Variants in TDRD9 observed in about 807,000 individuals in gnomAD.
The protein encoded by TDRD9 is tudor domain containing 9, also known as ATP-dependent RNA helicase TDRD9.
A neutral mutation model predicts 172.6 loss-of-function variants in TDRD9; 124 were observed. The observed-to-expected ratio is 0.72, with a 90% CI of 0.62 to 0.83. TDRD9 has a LOEUF of 0.83. Ranked by LOEUF, TDRD9 falls within the 40% of genes least tolerant of loss-of-function variation. The probability of loss-of-function intolerance (pLI) is 0.00; values close to 1 mark genes in which losing one functional copy is unlikely to be tolerated. For missense variants in TDRD9, 1,479 were observed against 1,714.1 expected (o/e 0.86, Z 2.42); for synonymous variants, 619 against 617.1 (o/e 1.00, Z -0.05).
Position 104,024,552 on chromosome 14 carries a change from A to C in TDRD9, c.2607-17A>C. 1 of 1,465,494 alleles carries C rather than the reference A, an allele frequency of 6.8e-7. No homozygotes were observed. The highest frequency in any genetic ancestry group is 2.3e-5 in the East Asian group (1 of 43,494). The allele number at this position is 1,465,494 out of a possible 1,614,324, so 90.8% of individuals were successfully genotyped here. ...TAAAACTTGATTTTTATTTTAATAA[A>C]AATTCGTATTATGTAGGGTGAATGT... On this transcript the variant is annotated splice_polypyrimidine_tract_variant and intron_variant, in intron 24 of 35. Coordinates refer to ENST00000409874, the MANE Select transcript of TDRD9 (RefSeq NM_153046.3).
chr14:104,026,418 G>A (rs2035120396), intron 27 of TDRD9, among the ~76,000 whole-genome samples: 1 of 152,286 alleles, frequency 6.6e-6, no homozygotes, highest in African/African-American at 2.4e-5. Context: ...AGACTTTTTA[G>A]GTAGGCCACA....
At chr14:103,985,946 C>A (rs1258093107) in intron 7 of TDRD9, among the ~76,000 whole-genome samples, 1 of 152,188 alleles carries the variant, frequency 6.6e-6, no homozygotes, top group African/African-American at 2.4e-5. Flanking sequence ...GCCAAACACA[C>A]TGCCTGTGCA....
At chr14:103,953,281 G>C (rs1454408831) in intron 1 of TDRD9, among the ~76,000 whole-genome samples, 1 of 151,736 alleles carries the variant, frequency 6.6e-6, no homozygotes, top group Admixed American at 6.6e-5. Context: ...TCCTCTTCCC[G>C]CCCCCTCCTG....
rs74089537 is a variant in TDRD9 at position 103,959,578 on chromosome 14, C to T, written c.323-3501C>T. Among the ~76,000 whole-genome samples, 287 of 152,054 alleles carry T rather than the reference C, an allele frequency of 1.9e-3. 2 individuals carry two copies. Among genetic ancestry groups the T allele is most frequent in the African/African-American group, 6.7e-3 (279 of 41,474 alleles). Reference sequence around the variant, plus strand: ...TTACACTGATGCCTCTAATTCCAGTCCAGTGCCACAGGTTTCAGCATGAAC... The same window carrying T: ...TTACACTGATGCCTCTAATTCCAGTTCAGTGCCACAGGTTTCAGCATGAAC... On this transcript the variant is annotated intron_variant, in intron 2 of 35. Transcript: ENST00000409874.
In TDRD9 at chr14:104,020,832, T is replaced by C. The variant is rs144136866; in HGVS notation, c.2433-1325T>C. Among the ~76,000 whole-genome samples the C allele has an allele frequency of 6.6e-5, 10 of 152,224 alleles. No homozygotes were observed. The East Asian group carries it at 1.9e-3, about 30-fold the overall frequency. Reference sequence around the variant, plus strand: ...CCAGGGGCATTAGAACTTGCATGCATAGCAAGGTAAACTTGATGCTGTCTT... The same window carrying C: ...CCAGGGGCATTAGAACTTGCATGCACAGCAAGGTAAACTTGATGCTGTCTT... On this transcript the variant is annotated intron_variant, in intron 23 of 35. Transcript: ENST00000409874.
At chr14:104,015,512 T>C (rs973688300) in intron 21 of TDRD9, among the ~76,000 whole-genome samples, 2 of 152,198 alleles carry the variant, frequency 1.3e-5, no homozygotes, top group Non-Finnish European at 2.9e-5. Context: ...GAAGGGACTC[T>C]TTGCAGAGTG....
At position 104,007,193 on chromosome 14, in the gene TDRD9, C is replaced by T. The variant is rs369524968; in HGVS notation, c.2041C>T (p.Arg681Trp). ...GGCTTGCAGACAGACAGGGGAGCTG[C>T]GGTACCCGAAGGTTGGTGAGCCCTT... Reference protein sequence around the residue: ...WKACRQTGELRYPKDELNWGR... With the variant: ...WKACRQTGELWYPKDELNWGR... Residue 681 changes from arginine to tryptophan, a missense_variant, in exon 19 of 36, where the codon CGG becomes TGG. Physicochemically the swap from Arg to Trp is moderately radical, Grantham distance 101. Transcript: ENST00000409874. The T allele has an allele frequency of 9.0e-5, 145 of 1,613,682 alleles. No homozygotes were observed. The highest frequency in any genetic ancestry group is 1.6e-4 in the African/African-American group (12 of 74,904).
At position 104,031,090 on chromosome 14, in the gene TDRD9, C is replaced by T; in HGVS notation, c.3283-18C>T. On this transcript the variant is annotated intron_variant, in intron 28 of 35. Transcript: ENST00000409874. ...TAATATTTTCTTTTAACAAAACAAA[C>T]TTTTCTTGTTTGTTCAGCAAAGCCA... is the stretch of plus-strand genomic sequence containing the variant. 2 of 1,538,666 alleles carry T rather than the reference C, an allele frequency of 1.3e-6. No individual in the cohort carries two copies. The highest frequency in any genetic ancestry group is 1.7e-6 in the Non-Finnish European group (2 of 1,144,130).
At chr14:103,941,902 G>A (rs1256693774) in intron 1 of TDRD9, among the ~76,000 whole-genome samples, 1 of 152,140 alleles carries the variant, frequency 6.6e-6, no homozygotes, top group Non-Finnish European at 1.5e-5. Flanking sequence ...CTTTGAAAAT[G>A]CTTTTATGTA....
intron 1 of TDRD9, among the ~76,000 whole-genome samples, chr14:103,934,121 A>T (rs1196316359): frequency 6.6e-6 from 1 of 151,694 alleles, no homozygotes; most frequent in Admixed American, 6.6e-5. Context: ...TGCTCAAGCA[A>T]TTTTCCTTCC....
chr14:104,017,622 A>T (rs189470617), intron 22 of TDRD9, among the ~76,000 whole-genome samples: 2 of 152,316 alleles, frequency 1.3e-5, no homozygotes, highest in East Asian at 3.9e-4. Flanking sequence ...CCAGCATGGT[A>T]CCTTGAGAGT....
intron 13 of TDRD9, among the ~76,000 whole-genome samples, chr14:103,999,960 T>C (rs1472924448): frequency 1.3e-5 from 2 of 152,144 alleles, no homozygotes; most frequent in Non-Finnish European, 2.9e-5. Flanking sequence ...ATTCTTAACC[T>C]TTTTGTTATA....
Position 103,928,484 on chromosome 14 carries a change from G to T in TDRD9, c.-26G>T. The T allele has an allele frequency of 2.1e-6, 3 of 1,430,458 alleles. No individual in the cohort carries two copies. Among genetic ancestry groups the T allele is most frequent in the Non-Finnish European group, 2.8e-6 (3 of 1,082,474 alleles). The allele number at this position is 1,430,458 out of a possible 1,614,324, so 88.6% of individuals were successfully genotyped here. A position where few individuals can be genotyped will look rare whatever the true frequency, so the allele number is the denominator to read the frequency against. ...CCCGCCGCGGAGACCCGGCAGTTGG[G>T]GGATGCCGACGCCTGGGCCTTGAGG... On this transcript the variant is annotated 5_prime_UTR_variant, in exon 1 of 36. Transcript: ENST00000409874.
intron 1 of TDRD9, among the ~76,000 whole-genome samples, chr14:103,931,538 A>G (rs536923107): frequency 2.0e-5 from 3 of 152,126 alleles, no homozygotes; most frequent in Non-Finnish European, 4.4e-5. Flanking sequence ...GCACAACAAC[A>G]CTTTGAGGTT....
At chr14:103,938,385 TGTGTGTGTGTG>T (rs1158547208) in intron 1 of TDRD9, among the ~76,000 whole-genome samples, 51 of 3,082 alleles carry the variant, frequency 0.017, no homozygotes, top group Non-Finnish European at 0.075. Context: ...CCCATATATG[TGTGTGTGTGTG>T]TGTGTGTGTG....
At chr14:103,962,992 G>GTGTGTA (rs758427453) in intron 2 of TDRD9, 87 bp from the exon 3 acceptor site, 1 of 692,638 alleles carries the variant, frequency 1.4e-6, no homozygotes, top group Non-Finnish European at 2.4e-6. Flanking sequence ...GTGTGTGTGT[G>GTGTGTA]TATGCTGTAT....
chr14:104,051,828 A>G (rs549787422), intron 35 of TDRD9, among the ~76,000 whole-genome samples, 153 bp from the exon 36 acceptor site: 1 of 152,206 alleles, frequency 6.6e-6, no homozygotes, highest in Non-Finnish European at 1.5e-5. Flanking sequence ...TATCAAACCT[A>G]TAGTATGAAG....
rs2033452180 is a variant in TDRD9, at chr14:103,980,990, C to A, written c.1012-5227C>A. Among the ~76,000 whole-genome samples the A allele has an allele frequency of 6.6e-6, 1 of 152,024 alleles. No individual in the cohort carries two copies. Among genetic ancestry groups the A allele is most frequent in the Non-Finnish European group, 1.5e-5 (1 of 67,992 alleles). ...TGGAATAAAGAGTAATTACTACAAA[C>A]TAATGATTAATGATATTCATACATA... On this transcript the variant is annotated intron_variant, in intron 7 of 35. Transcript: ENST00000409874. This position sits in a 1 kb window ranked among gnomAD's most constrained non-coding sequence, Gnocchi z 4.5.
chr14:103,942,200 G>A (rs1566726895), intron 1 of TDRD9: 1 of 153,438 alleles, frequency 6.5e-6, no homozygotes. Flanking sequence ...GTCCTCTGTA[G>A]AAGGAATGCG....
Sources: allele counts gnomAD v4.1 joint callset (sites outside exome capture counted in the v4.1 genomes callset), GRCh38; gene constraint gnomAD v4.1.1; non-coding constraint Gnocchi (gnomAD v3.1); transcripts MANE v1.5; gene names NCBI Gene and HGNC (gene_info 2026-07-23, HGNC 2026-07-21).